The following B3GALT1 variants were observed in gnomAD, a reference collection of about 807,000 sequenced individuals.
B3GALT1 encodes UDP-Gal:betaGlcNAc beta 1,3-galactosyltransferase, polypeptide 1.
A neutral mutation model predicts 23.2 loss-of-function variants in B3GALT1; 10 were observed. That is an observed-to-expected ratio of 0.43 (90% CI 0.27 to 0.73). The LOEUF is 0.73. B3GALT1 is among the 30% of genes least tolerant of loss of function. B3GALT1 has a pLI of 0.21. For synonymous variants in B3GALT1, 156 were observed against 141.5 expected, an observed-to-expected ratio of 1.10 and a Z score of -0.73; for missense variants, 299 against 405.4, an observed-to-expected ratio of 0.74 and a Z score of 2.25.
At position 167,810,185 on chromosome 2, in the gene B3GALT1, C is replaced by A. The variant is rs566694129; in HGVS notation, c.-351-8487C>A. On this transcript the variant is annotated intron_variant, in intron 3 of 4. Transcript: ENST00000392690. ...CGATTTTCCAGGTGCCATCTGTCACCGCTTTGACTAGGAAAGGGAATTCCC... is the reference window on the plus strand; with the variant it reads ...CGATTTTCCAGGTGCCATCTGTCACAGCTTTGACTAGGAAAGGGAATTCCC... Among the ~76,000 whole-genome samples, 262 of 150,790 alleles carry A rather than the reference C, an allele frequency of 1.7e-3. 3 individuals carry two copies. The highest frequency in any genetic ancestry group is 6.8e-3 in the Middle Eastern group (2 of 294).
intron 1 of B3GALT1, among the ~76,000 whole-genome samples, chr2:167,434,980 A>G (rs1172541742): frequency 6.6e-6 from 1 of 152,132 alleles, no homozygotes; most frequent in Non-Finnish European, 1.5e-5. Flanking sequence ...GTAACTTACA[A>G]AGTAGAATGA....
intron 1 of B3GALT1, among the ~76,000 whole-genome samples, chr2:167,414,185 A>G (rs1051369532): frequency 6.6e-5 from 10 of 152,158 alleles, no homozygotes; most frequent in Non-Finnish European, 4.4e-5. Context: ...TTTGATGAAG[A>G]CTAGACAGCT....
At chr2:167,678,605 C>T (rs985189149) in intron 3 of B3GALT1, among the ~76,000 whole-genome samples, 10 of 152,040 alleles carry the variant, frequency 6.6e-5, no homozygotes, top group Admixed American at 6.6e-4. Flanking sequence ...TTTTCATGGG[C>T]TCAGTCCACG....
chr2:167,807,719 A>T (rs1015619653), intron 3 of B3GALT1, among the ~76,000 whole-genome samples: 1 of 152,172 alleles, frequency 6.6e-6, no homozygotes, highest in Admixed American at 6.5e-5. Context: ...TTTGCTGAGG[A>T]GTGCTTTACT....
intron 2 of B3GALT1, among the ~76,000 whole-genome samples, chr2:167,590,548 AAAG>A (rs1684662582): frequency 1.3e-5 from 2 of 152,146 alleles, no homozygotes; most frequent in Admixed American, 6.5e-5. Context: ...GGGGGAAAAA[AAAG>A]AAATAACATG....
At chr2:167,460,511 G>A (rs10187544) in intron 1 of B3GALT1, among the ~76,000 whole-genome samples, 6 of 151,774 alleles carry the variant, frequency 4.0e-5, no homozygotes, top group East Asian at 3.9e-4. Context: ...CATGATTTTC[G>A]TGATTTCTTC....
At chr2:167,304,632 AAGAGAGACAGAGAGAGGAGAGAG>A (rs1245977209) in intron 1 of B3GALT1, among the ~76,000 whole-genome samples, 3 of 151,708 alleles carry the variant, frequency 2.0e-5, no homozygotes, top group Admixed American at 2.0e-4. Context: ...TACAGAGAAA[AAGAGAGACAGAGAGAGGAGAGAG>A]AGAGAGACAG....
chr2:167,561,029 A>G (rs1017734459), intron 2 of B3GALT1, among the ~76,000 whole-genome samples: 2 of 152,072 alleles, frequency 1.3e-5, no homozygotes, highest in African/African-American at 4.8e-5. Flanking sequence ...CACCACACCT[A>G]TTCCAAAATT....
At chr2:167,355,344 A>G (rs892488810) in intron 1 of B3GALT1, among the ~76,000 whole-genome samples, 3 of 152,210 alleles carry the variant, frequency 2.0e-5, no homozygotes, top group Non-Finnish European at 2.9e-5. Flanking sequence ...AATTGACAAA[A>G]ATTGCATTAC....
intron 1 of B3GALT1, among the ~76,000 whole-genome samples, chr2:167,459,935 T>A (rs908584715): frequency 5.9e-5 from 9 of 152,196 alleles, no homozygotes; most frequent in African/African-American, 1.9e-4. Context: ...ATAGGTTGAT[T>A]CACTGCCTTC....
chr2:167,445,284 C>T (rs373399137), intron 1 of B3GALT1, among the ~76,000 whole-genome samples: 55 of 152,048 alleles, frequency 3.6e-4, no homozygotes, highest in Admixed American at 3.1e-3. Flanking sequence ...TTTACTTCCA[C>T]CTACGTGGTC....
intron 1 of B3GALT1, among the ~76,000 whole-genome samples, chr2:167,432,522 T>G (rs1698720675): frequency 6.6e-6 from 1 of 152,314 alleles, no homozygotes; most frequent in Non-Finnish European, 1.5e-5. Flanking sequence ...TCTTACTTAC[T>G]ATGTGAACAC....
At position 167,677,850 on chromosome 2, in the gene B3GALT1, C is replaced by G. The variant is rs114135111; in HGVS notation, c.-352+30884C>G. On this transcript the variant is annotated intron_variant, in intron 3 of 4. Transcript: ENST00000392690. ...CAATCATGGCAGAAGGGGAAGCAAA[C>G]AGGTCCTTATTCAAATGGTGGCAGG... Among the ~76,000 whole-genome samples the G allele has an allele frequency of 5.0e-3, 763 of 152,248 alleles. 9 individuals carry two copies. The highest frequency in any genetic ancestry group is 0.017 in the African/African-American group (722 of 41,544).
At chr2:167,467,393 G>C (rs1336323543) in intron 1 of B3GALT1, among the ~76,000 whole-genome samples, 1 of 152,116 alleles carries the variant, frequency 6.6e-6, no homozygotes, top group East Asian at 1.9e-4. Context: ...AATAATAATA[G>C]AGCAAACAGT....
At chr2:167,748,968 A>G (rs989790207) in intron 3 of B3GALT1, among the ~76,000 whole-genome samples, 1 of 152,212 alleles carries the variant, frequency 6.6e-6, no homozygotes, top group Non-Finnish European at 1.5e-5. Context: ...CAGAGATTCA[A>G]GTAGAAGTAG....
At chr2:167,774,717 C>T (rs529213759) in intron 3 of B3GALT1, among the ~76,000 whole-genome samples, 1 of 151,904 alleles carries the variant, frequency 6.6e-6, no homozygotes, top group African/African-American at 2.4e-5. Flanking sequence ...AGGCTGGTCT[C>T]GAACTCCTGA....
intron 1 of B3GALT1, among the ~76,000 whole-genome samples, chr2:167,465,496 G>A (rs772271068): frequency 6.6e-6 from 1 of 152,136 alleles, no homozygotes; most frequent in Non-Finnish European, 1.5e-5. Flanking sequence ...CTTTGTTGCT[G>A]TGTCCACACA....
At chr2:167,639,915 G>A (rs1685622560) in intron 2 of B3GALT1, among the ~76,000 whole-genome samples, 1 of 152,096 alleles carries the variant, frequency 6.6e-6, no homozygotes, top group African/African-American at 2.4e-5. Flanking sequence ...GAGGAATGAT[G>A]TCACTTGTGA....
intron 3 of B3GALT1, among the ~76,000 whole-genome samples, chr2:167,752,859 A>G (rs1479186877): frequency 2.6e-5 from 4 of 152,334 alleles, no homozygotes; most frequent in African/African-American, 7.2e-5. Context: ...AATTTGAGAT[A>G]AACCTGACTG....
Sources: allele counts gnomAD v4.1 joint callset (sites outside exome capture counted in the v4.1 genomes callset), GRCh38; gene constraint gnomAD v4.1.1; transcripts MANE v1.5; gene names NCBI Gene and HGNC (gene_info 2026-07-23, HGNC 2026-07-21).